The following PRKCA variants were observed in gnomAD, a reference collection of about 807,000 sequenced individuals.
PRKCA encodes protein kinase C alpha type.
Under a neutral mutation model 87.0 loss-of-function variants are expected in PRKCA, and 27 were observed. The observed-to-expected ratio is 0.31, with a 90% confidence interval of 0.23 to 0.43. PRKCA has a LOEUF of 0.43. Ranked by LOEUF, PRKCA falls within the 20% of genes least tolerant of loss-of-function variation. The pLI is 1.00. For missense variants in PRKCA, 518 were observed against 852.3 expected (o/e 0.61, Z 4.88); for synonymous variants, 329 against 311.1 (o/e 1.06, Z -0.61).
chr17:66,370,214 A>G (rs139585100), intron 2 of PRKCA, among the ~76,000 whole-genome samples: 71 of 147,598 alleles, frequency 4.8e-4, no homozygotes, highest in African/African-American at 1.7e-3. Flanking sequence ...GCGATAAATA[A>G]AGCTATTTTG....
chr17:66,731,351 G>GA (rs5821509), intron 8 of PRKCA, among the ~76,000 whole-genome samples: 1,372 of 112,426 alleles, frequency 0.012, 17 homozygotes, highest in East Asian at 0.032. Flanking sequence ...CTCCGTCTCA[G>GA]AAAAAAAAAA....
intron 2 of PRKCA, among the ~76,000 whole-genome samples, chr17:66,470,416 C>T (rs1915275927): frequency 6.7e-6 from 1 of 149,768 alleles, no homozygotes; most frequent in African/African-American, 2.5e-5. Flanking sequence ...TTAGTAGAAA[C>T]GGGGTTTCAC....
At chr17:66,611,578 A>G (rs543437655) in intron 3 of PRKCA, among the ~76,000 whole-genome samples, 1 of 152,352 alleles carries the variant, frequency 6.6e-6, no homozygotes, top group East Asian at 1.9e-4. Flanking sequence ...TTGGTTATCC[A>G]TCATCAGTTG....
chr17:66,528,405 G>A (rs1403189646), intron 3 of PRKCA, among the ~76,000 whole-genome samples: 2 of 152,090 alleles, frequency 1.3e-5, no homozygotes, highest in Admixed American at 1.3e-4. Flanking sequence ...ATGCAGATGT[G>A]ATTAAGTTAA....
At chr17:66,556,653 T>C (rs1190179310) in intron 3 of PRKCA, among the ~76,000 whole-genome samples, 8 of 152,162 alleles carry the variant, frequency 5.3e-5, no homozygotes, top group Admixed American at 2.6e-4. Context: ...GCAGTGTTTT[T>C]CCCATGCTGT....
At chr17:66,531,322 G>A (rs138662424) in intron 3 of PRKCA, among the ~76,000 whole-genome samples, 315 of 152,316 alleles carry the variant, frequency 2.1e-3, no homozygotes, top group African/African-American at 7.3e-3. Flanking sequence ...TCTTAGCCCT[G>A]CCTGAACTGC....
At chr17:66,316,139 G>C (rs1029193183) in intron 2 of PRKCA, among the ~76,000 whole-genome samples, 5 of 152,164 alleles carry the variant, frequency 3.3e-5, no homozygotes, top group Non-Finnish European at 7.3e-5. Flanking sequence ...AGAGGGATGA[G>C]AGTGACTCAC....
intron 3 of PRKCA, among the ~76,000 whole-genome samples, chr17:66,567,337 G>A (rs1478758506): frequency 2.6e-5 from 4 of 152,336 alleles, no homozygotes; most frequent in East Asian, 1.9e-4. Context: ...ATTCCAGAGC[G>A]TGGCTTTGTA....
At chr17:66,446,057 G>A (rs1035792494) in intron 2 of PRKCA, among the ~76,000 whole-genome samples, 10 of 152,032 alleles carry the variant, frequency 6.6e-5, no homozygotes, top group South Asian at 2.1e-4. Context: ...CAAGTGATCC[G>A]TGCACCTCGG....
intron 3 of PRKCA, among the ~76,000 whole-genome samples, chr17:66,543,326 C>G (rs1015405943): frequency 6.6e-6 from 1 of 152,148 alleles, no homozygotes; most frequent in African/African-American, 2.4e-5. Flanking sequence ...TGTGGCTCTT[C>G]TCTCTTCCTT....
At chr17:66,322,387 A>C (rs1241914114) in intron 2 of PRKCA, among the ~76,000 whole-genome samples, 1 of 152,224 alleles carries the variant, frequency 6.6e-6, no homozygotes, top group African/African-American at 2.4e-5. Flanking sequence ...TAATTCATTA[A>C]AGTTAAATGG....
chr17:66,305,558 A>G (rs1282506406), intron 1 of PRKCA, among the ~76,000 whole-genome samples: 1 of 152,250 alleles, frequency 6.6e-6, no homozygotes, highest in Non-Finnish European at 1.5e-5. Flanking sequence ...AATGCAAACA[A>G]TAGGAATTAT....
At chr17:66,422,908 C>T (rs1025793695) in intron 2 of PRKCA, among the ~76,000 whole-genome samples, 3 of 148,468 alleles carry the variant, frequency 2.0e-5, no homozygotes, top group East Asian at 1.9e-4. Context: ...GTCAGGAGTT[C>T]GAGACCAGCC....
intron 2 of PRKCA, among the ~76,000 whole-genome samples, chr17:66,484,997 G>A (rs79488441): frequency 0.02 from 3,042 of 150,000 alleles, 98 homozygotes; most frequent in African/African-American, 0.069. Context: ...TAAAGGAGGA[G>A]TGGGGAGGGT....
chr17:66,729,808 C>G (rs570494705), intron 8 of PRKCA, among the ~76,000 whole-genome samples: 1 of 100,226 alleles, frequency 1.0e-5, no homozygotes, highest in Admixed American at 1.3e-4. Context: ...TTTTCTGAGA[C>G]AGAGTCTCAC....
At chr17:66,513,294 A>G (rs1917326453) in intron 3 of PRKCA, among the ~76,000 whole-genome samples, 1 of 152,226 alleles carries the variant, frequency 6.6e-6, no homozygotes, top group Admixed American at 6.5e-5. Context: ...TCCTAAGATC[A>G]ATAGAGACTT....
chr17:66,448,999 A>C lies in PRKCA; in HGVS notation c.206-47202A>C, dbSNP rs1378600948. 5.9e-5 allele frequency among the ~76,000 whole-genome samples: 8 copies of C among 134,536 alleles called. No individual in the cohort carries two copies. In the East Asian group the frequency reaches 1.3e-3, roughly 22 times the overall value. The allele number at this position is 134,536 out of a possible 152,430, so 88.3% of individuals were successfully genotyped here. On this transcript the variant is annotated intron_variant, in intron 2 of 16. Transcript: ENST00000413366. ...TAAACTTAAAAAAAAAAAAAAAAAA[A>C]GGTGGCCAGGTGAGGTGGCTCATGC...
At chr17:66,573,373 C>T (rs1969135191) in intron 3 of PRKCA, among the ~76,000 whole-genome samples, 2 of 152,150 alleles carry the variant, frequency 1.3e-5, no homozygotes, top group African/African-American at 4.8e-5. Context: ...TTAAAATCTC[C>T]ATGACTGAAT....
At chr17:66,454,355 A>G (rs1021050236) in intron 2 of PRKCA, among the ~76,000 whole-genome samples, 13 of 152,324 alleles carry the variant, frequency 8.5e-5, no homozygotes, top group Admixed American at 2.6e-4. Context: ...GCCAGGTAAC[A>G]GCAAAGACCA....
Sources: allele counts gnomAD v4.1 joint callset (sites outside exome capture counted in the v4.1 genomes callset), GRCh38; gene constraint gnomAD v4.1.1; transcripts MANE v1.5; gene names NCBI Gene and HGNC (gene_info 2026-07-23, HGNC 2026-07-21).